The following FHIT variants were observed in gnomAD, a reference collection of about 807,000 sequenced individuals.
FHIT encodes the protein fragile histidine triad diadenosine triphosphatase.
FHIT carries 19 observed loss-of-function variants against 17.9 expected under a neutral mutation model. That is an observed-to-expected ratio of 1.06 (90% CI 0.74 to 1.56). The LOEUF (loss-of-function observed/expected upper bound fraction) is 1.56, where lower values mean the gene tolerates loss of function less well. FHIT is among the 40% of genes most tolerant of loss of function. The pLI, the probability that FHIT is intolerant of heterozygous loss-of-function variation, is 0.00. For synonymous variants in FHIT, 81 were observed against 69.7 expected (o/e 1.16, Z -0.81); for missense variants, 248 against 189.2 (o/e 1.31, Z -1.82).
intron 8 of FHIT, among the ~76,000 whole-genome samples, chr3:59,859,584 A>G (rs1702321785): frequency 6.6e-6 from 1 of 151,980 alleles, no homozygotes; most frequent in South Asian, 2.1e-4. Context: ...CCAGGCATGG[A>G]GGTGTGTGCC....
rs994378791 is a variant in FHIT, at chr3:60,390,432, G to T, written c.103+146428C>A. Among the ~76,000 whole-genome samples, 6 of 117,536 alleles carry T rather than the reference G, an allele frequency of 5.1e-5. 1 individual carries two copies. Among genetic ancestry groups the T allele is most frequent in the African/African-American group, 1.2e-4 (3 of 25,810 alleles). 77.1% of individuals were successfully genotyped at this position (117,536 alleles called of 152,430 possible). On this transcript the variant is annotated intron_variant, in intron 5 of 9. Transcript: ENST00000492590. ...AAAAAAAAAAAAAAAAAAAAAACCC[G>T]TACCCTCTAGTATTTATTACAAGGT...
chr3:59,961,401 C>T lies in FHIT; in HGVS notation c.280-38987G>A, dbSNP rs138348448. On this transcript the variant is annotated intron_variant, in intron 7 of 9. Transcript: ENST00000492590. ...CCATAAGGAAAAAAATACTTCATTT[C>T]GCTGTACTTATAGCTCTTTATTATG... 3.4e-3 allele frequency among the ~76,000 whole-genome samples: 523 copies of T among 152,236 alleles called. 2 individuals carry two copies. Among genetic ancestry groups the T allele is most frequent in the African/African-American group, 0.012 (493 of 41,528 alleles).
At chr3:60,153,834 A>T (rs534052098) in intron 5 of FHIT, among the ~76,000 whole-genome samples, 35 of 152,292 alleles carry the variant, frequency 2.3e-4, no homozygotes, top group African/African-American at 8.2e-4. Flanking sequence ...CCAGGATTCA[A>T]TCATCCATTC....
intron 5 of FHIT, among the ~76,000 whole-genome samples, chr3:60,206,870 C>T (rs957359439): frequency 2.0e-5 from 3 of 152,062 alleles, no homozygotes; most frequent in Non-Finnish European, 2.9e-5. Context: ...TTAGTTCGCT[C>T]CAGTTGCAAT....
At chr3:60,347,584 G>T (rs552749351) in intron 5 of FHIT, among the ~76,000 whole-genome samples, 1 of 138,316 alleles carries the variant, frequency 7.2e-6, no homozygotes, top group African/African-American at 2.7e-5. Flanking sequence ...TGTGTCTTAA[G>T]AAGGAAAATT....
intron 5 of FHIT, among the ~76,000 whole-genome samples, chr3:60,380,498 C>G (rs1458293452): frequency 6.6e-6 from 1 of 152,132 alleles, no homozygotes; most frequent in African/African-American, 2.4e-5. Flanking sequence ...CTAACACAGT[C>G]AGTGTCGTTA....
chr3:59,964,294 G>A (rs1314147203), intron 7 of FHIT, among the ~76,000 whole-genome samples: 1 of 152,074 alleles, frequency 6.6e-6, no homozygotes, highest in Non-Finnish European at 1.5e-5. Flanking sequence ...TGAAATTTGG[G>A]TGTATTTCAG....
chr3:60,909,530 A>C (rs2107262767), intron 3 of FHIT, among the ~76,000 whole-genome samples: 1 of 152,296 alleles, frequency 6.6e-6, no homozygotes, highest in Non-Finnish European at 1.5e-5. Context: ...GATGCTGTCT[A>C]TACTTTTTTT....
In FHIT at chr3:60,196,416, C is replaced by T. The variant is rs1566057; in HGVS notation, c.104-182264G>A. On this transcript the variant is annotated intron_variant, in intron 5 of 9. Transcript: ENST00000492590. ...CTCATCACACCTTCTCTCACTCTGA[C>T]TCGCTTGCCTCCCTCTTTCATTTAT... Among the ~76,000 whole-genome samples, 3,280 of 152,228 alleles carry T rather than the reference C, an allele frequency of 0.022. 283 individuals are homozygous for T. In the East Asian group the frequency reaches 0.26, roughly 12 times the overall value.
At chr3:60,896,599 T>G (rs962945827) in intron 3 of FHIT, among the ~76,000 whole-genome samples, 1 of 152,174 alleles carries the variant, frequency 6.6e-6, no homozygotes, top group African/African-American at 2.4e-5. Context: ...AGTTCAAGAT[T>G]TCTTTCCAGT....
chr3:60,027,123 AC>A (rs1700774290), intron 5 of FHIT, among the ~76,000 whole-genome samples: 1 of 130,102 alleles, frequency 7.7e-6, no homozygotes, highest in South Asian at 2.7e-4. Flanking sequence ...ACACACACAC[AC>A]ACACACACAC....
intron 5 of FHIT, among the ~76,000 whole-genome samples, chr3:60,406,963 T>C (rs1416413936): frequency 6.6e-6 from 1 of 152,096 alleles, no homozygotes; most frequent in African/African-American, 2.4e-5. Flanking sequence ...TCAGTAGCAC[T>C]TGCTATGCAT....
intron 4 of FHIT, among the ~76,000 whole-genome samples, chr3:60,551,001 C>G (rs535951065): frequency 6.6e-6 from 1 of 152,142 alleles, no homozygotes; most frequent in East Asian, 1.9e-4. Context: ...AAAGGGGAAT[C>G]TCACGTTTGA....
At chr3:61,000,408 T>A (rs1021494842) in intron 3 of FHIT, among the ~76,000 whole-genome samples, 1 of 152,172 alleles carries the variant, frequency 6.6e-6, no homozygotes, top group African/African-American at 2.4e-5. Flanking sequence ...TGAGACACAA[T>A]GGTAAGACAT....
chr3:60,096,188 G>A (rs55879044), intron 5 of FHIT, among the ~76,000 whole-genome samples: 72 of 152,184 alleles, frequency 4.7e-4, no homozygotes, highest in African/African-American at 1.6e-3. Context: ...CTTGTCCTGC[G>A]CCCCAGCAGA....
intron 5 of FHIT, among the ~76,000 whole-genome samples, chr3:60,134,643 T>C (rs1304744678): frequency 2.0e-5 from 3 of 152,176 alleles, no homozygotes; most frequent in Non-Finnish European, 4.4e-5. Context: ...ACTTCCACAA[T>C]AATGGGCTCC....
chr3:61,072,105 A>T (rs2034827120), intron 2 of FHIT, among the ~76,000 whole-genome samples: 1 of 152,176 alleles, frequency 6.6e-6, no homozygotes, highest in Non-Finnish European at 1.5e-5. Flanking sequence ...TAGCTCTATG[A>T]CCATGGGTAA....
At chr3:60,568,091 G>A (rs2037207499) in intron 4 of FHIT, among the ~76,000 whole-genome samples, 1 of 152,142 alleles carries the variant, frequency 6.6e-6, no homozygotes, top group African/African-American at 2.4e-5. Flanking sequence ...ATTTGGCCCA[G>A]CAATCCCATT....
intron 4 of FHIT, among the ~76,000 whole-genome samples, chr3:60,682,022 A>G (rs2040761230): frequency 6.7e-6 from 1 of 150,140 alleles, no homozygotes; most frequent in Non-Finnish European, 1.5e-5. Flanking sequence ...CTAGGGCTGG[A>G]GTGCAATGGT....
Sources: gnomAD v4.1 joint callset for allele counts (sites outside exome capture counted in the v4.1 genomes callset) on GRCh38, gnomAD v4.1.1 for gene constraint, MANE v1.5 for transcripts, NCBI Gene and HGNC (gene_info 2026-07-23, HGNC 2026-07-21) for gene names.